ASTN2: variants seen among roughly 807,000 people sequenced by gnomAD.
ASTN2 encodes the protein astrotactin 2, also known as astrotactin-2.
In ASTN2, 54 loss-of-function variants were observed where a neutral mutation model predicts 139.8. The observed-to-expected ratio is 0.39, with a 90% CI of 0.31 to 0.48. The LOEUF (loss-of-function observed/expected upper bound fraction) is 0.48. ASTN2 is among the 20% of genes least tolerant of loss of function. The pLI is 0.95. For missense variants in ASTN2, 1,565 were observed against 1,725.1 expected, an observed-to-expected ratio of 0.91 and a Z score of 1.64; for synonymous variants, 756 against 719.5, an observed-to-expected ratio of 1.05 and a Z score of -0.81.
intron 10 of ASTN2, among the ~76,000 whole-genome samples, chr9:116,966,253 C>T (rs1489272439): frequency 2.0e-5 from 3 of 152,230 alleles, no homozygotes; most frequent in Non-Finnish European, 4.4e-5. Flanking sequence ...TTTATTATTA[C>T]ATTTATTAAA....
chr9:116,892,882 T>C (rs1000309607), intron 10 of ASTN2, among the ~76,000 whole-genome samples: 2 of 152,136 alleles, frequency 1.3e-5, no homozygotes, highest in African/African-American at 4.8e-5. Flanking sequence ...TTTCTTTTGG[T>C]ATACACACTT....
chr9:116,817,810 T>C (rs990260134), intron 12 of ASTN2, among the ~76,000 whole-genome samples: 1 of 152,218 alleles, frequency 6.6e-6, no homozygotes, highest in African/African-American at 2.4e-5. Context: ...CCTGTGCATG[T>C]ATAATTTCAT....
chr9:116,628,146 T>C (rs1484955618), intron 17 of ASTN2, among the ~76,000 whole-genome samples: 2 of 152,214 alleles, frequency 1.3e-5, no homozygotes, highest in Admixed American at 6.5e-5. Flanking sequence ...CAAATGAGAA[T>C]GGACCAATGA....
chr9:117,298,868 C>A lies in ASTN2; in HGVS notation c.443-7355G>T, dbSNP rs137972189. ...ACTGAATAGGGGCTCCATAAATGTT[C>A]TGTATGTTTAATTGAGCCGTCCCAT... On this transcript the variant is annotated intron_variant, in intron 1 of 22. Transcript: ENST00000313400. Among the ~76,000 whole-genome samples the A allele has an allele frequency of 4.3e-3, 647 of 151,910 alleles. 18 individuals carry two copies. Among genetic ancestry groups the A allele is most frequent in the Admixed American group, 0.038 (575 of 15,214 alleles).
Position 116,620,373 on chromosome 9 carries a change from C to T in ASTN2, c.3143G>A (p.Arg1048Lys). 1.2e-6 allele frequency: 2 copies of T among 1,614,172 alleles called. No homozygotes were observed. Among genetic ancestry groups the T allele is most frequent in the Non-Finnish European group, 1.7e-6 (2 of 1,180,020 alleles). The change falls in exon 18 of 23, where the codon AGG (arginine) becomes AAG (lysine). Residue 1048 changes from arginine (R) to lysine (K), a missense_variant. Transcript: ENST00000313400. ...GKGDVIDDWC[R>K]CDLSAFDANG... Reference sequence around the variant, plus strand: ...GGCATCAAAGGCGCTGAGGTCACACCTGCACCAGTCATCGATCACATCCCC... The same window carrying T: ...GGCATCAAAGGCGCTGAGGTCACACTTGCACCAGTCATCGATCACATCCCC...
intron 5 of ASTN2, among the ~76,000 whole-genome samples, chr9:117,040,796 G>T (rs1407093555): frequency 6.6e-6 from 1 of 152,106 alleles, no homozygotes; most frequent in African/African-American, 2.4e-5. Flanking sequence ...TATCTCACAG[G>T]GTTCTTGTGA....
chr9:116,803,596 C>T (rs1459671995), intron 13 of ASTN2, among the ~76,000 whole-genome samples: 1 of 145,720 alleles, frequency 6.9e-6, no homozygotes, highest in Non-Finnish European at 1.5e-5. Flanking sequence ...GTAATCTCAG[C>T]TCACTGCAAG....
At chr9:116,746,936 T>C (rs1829254002) in intron 13 of ASTN2, among the ~76,000 whole-genome samples, 1 of 152,182 alleles carries the variant, frequency 6.6e-6, no homozygotes, top group African/African-American at 2.4e-5. Context: ...ATTCAATAAA[T>C]TGCTGAATGT....
intron 7 of ASTN2, among the ~76,000 whole-genome samples, chr9:117,000,400 T>C (rs1837161321): frequency 6.6e-6 from 1 of 152,222 alleles, no homozygotes; most frequent in Non-Finnish European, 1.5e-5. Flanking sequence ...TATGAAAGAA[T>C]GAGTTAGTGT....
chr9:116,503,655 C>T (rs1247978606), intron 19 of ASTN2, among the ~76,000 whole-genome samples: 2 of 152,254 alleles, frequency 1.3e-5, no homozygotes, highest in African/African-American at 2.4e-5. Context: ...TATACACACA[C>T]ATATACTATA....
intron 10 of ASTN2, among the ~76,000 whole-genome samples, chr9:116,913,035 C>T (rs1834358456): frequency 6.6e-6 from 1 of 152,076 alleles, no homozygotes; most frequent in South Asian, 2.1e-4. Context: ...TCCCAGGTAG[C>T]TGGGACTCCT....
intron 1 of ASTN2, among the ~76,000 whole-genome samples, chr9:117,340,754 T>C (rs1829041328): frequency 6.6e-6 from 1 of 152,210 alleles, no homozygotes; most frequent in Non-Finnish European, 1.5e-5. Context: ...TATCCCCTTT[T>C]CTTTATGTCT....
chr9:116,520,280 C>T (rs868218409), intron 19 of ASTN2, among the ~76,000 whole-genome samples: 1 of 152,018 alleles, frequency 6.6e-6, no homozygotes, highest in Admixed American at 6.6e-5. Flanking sequence ...AATTCAACAG[C>T]ATATAAAAAA....
intron 4 of ASTN2, among the ~76,000 whole-genome samples, chr9:117,134,754 T>C (rs1829910768): frequency 6.6e-6 from 1 of 152,162 alleles, no homozygotes; most frequent in Admixed American, 6.5e-5. Flanking sequence ...CACCTTCATG[T>C]ATCCATTGTG....
chr9:117,348,376 G>A (rs2130875922), intron 1 of ASTN2, among the ~76,000 whole-genome samples: 1 of 152,248 alleles, frequency 6.6e-6, no homozygotes, highest in East Asian at 1.9e-4. Flanking sequence ...AGTCTGCATA[G>A]ACATAATCCA....
At chr9:116,461,173 C>T (rs1848474562) in intron 20 of ASTN2, among the ~76,000 whole-genome samples, 1 of 151,602 alleles carries the variant, frequency 6.6e-6, no homozygotes, top group South Asian at 2.1e-4. Flanking sequence ...ATTTACCCAG[C>T]TTTATTTTTC....
chr9:117,240,901 A>G lies in ASTN2; in HGVS notation c.631-26159T>C, dbSNP rs562213533. Among the ~76,000 whole-genome samples the G allele has an allele frequency of 2.0e-5, 3 of 152,232 alleles. No homozygotes were observed. In the South Asian group the frequency reaches 6.2e-4, roughly 32 times the overall value. On this transcript the variant is annotated intron_variant, in intron 2 of 22. Transcript: ENST00000313400. ...TATGTTCTCGGCACTCATTTTCTGC[A>G]TATTTTGAAATTTTAGCATAAGGCT...
chr9:116,534,708 G>C (rs1418280365), intron 19 of ASTN2, among the ~76,000 whole-genome samples: 3 of 152,174 alleles, frequency 2.0e-5, no homozygotes, highest in African/African-American at 7.2e-5. Flanking sequence ...TAGTTTGATT[G>C]CACTGTGTTC....
At chr9:117,385,984 G>A (rs1830388070) in intron 1 of ASTN2, among the ~76,000 whole-genome samples, 1 of 152,030 alleles carries the variant, frequency 6.6e-6, no homozygotes, top group African/African-American at 2.4e-5. Flanking sequence ...ATAGATGAAG[G>A]GGATATGGTA....
Sources: gnomAD v4.1 joint callset for allele counts (sites outside exome capture counted in the v4.1 genomes callset) on GRCh38, gnomAD v4.1.1 for gene constraint, MANE v1.5 for transcripts, NCBI Gene and HGNC (gene_info 2026-07-23, HGNC 2026-07-21) for gene names.